TMEM132D: variants seen among roughly 807,000 people sequenced by gnomAD.
TMEM132D encodes the protein mature OL transmembrane protein.
Under a neutral mutation model 62.3 loss-of-function variants are expected in TMEM132D, and 21 were observed. The ratio of observed to expected loss-of-function variants is 0.34; its 90% CI spans 0.24 to 0.49. The LOEUF (loss-of-function observed/expected upper bound fraction) is 0.49, where lower values mean the gene tolerates loss of function less well. Among genes scored for constraint, TMEM132D ranks in the 20% least tolerant of loss-of-function variants. The pLI is 0.99. For synonymous variants in TMEM132D, 621 were observed against 575.6 expected, an observed-to-expected ratio of 1.08 and a Z score of -1.13; for missense variants, 1,346 against 1,402.8, an observed-to-expected ratio of 0.96 and a Z score of 0.65.
intron 3 of TMEM132D, among the ~76,000 whole-genome samples, chr12:129,515,700 G>A (rs1462568469): frequency 6.6e-6 from 1 of 152,018 alleles, no homozygotes; most frequent in East Asian, 1.9e-4. Flanking sequence ...TGAAGGCCAG[G>A]GGGAATCTAA....
At chr12:129,704,982 A>C (rs1473405509) in intron 1 of TMEM132D, among the ~76,000 whole-genome samples, 1 of 152,252 alleles carries the variant, frequency 6.6e-6, no homozygotes, top group Non-Finnish European at 1.5e-5. Context: ...CTGAAGTATT[A>C]AAAGTAAGGA....
chr12:129,657,296 G>A (rs1565939058), intron 2 of TMEM132D, among the ~76,000 whole-genome samples: 1 of 152,206 alleles, frequency 6.6e-6, no homozygotes, highest in East Asian at 1.9e-4. Context: ...TGGCTGAACA[G>A]AGGTAGCTGG....
intron 1 of TMEM132D, among the ~76,000 whole-genome samples, chr12:129,778,180 A>G (rs1224674917): frequency 1.7e-5 from 1 of 58,100 alleles, no homozygotes; most frequent in African/African-American, 3.9e-5. Flanking sequence ...TAAGAAAAGA[A>G]GGAATCAGAA....
chr12:129,732,510 A>G (rs1869282861), intron 1 of TMEM132D, among the ~76,000 whole-genome samples: 1 of 152,118 alleles, frequency 6.6e-6, no homozygotes, highest in East Asian at 1.9e-4. Flanking sequence ...ACAAGAGTAA[A>G]GTTAAATGGC....
intron 2 of TMEM132D, among the ~76,000 whole-genome samples, chr12:129,614,773 C>T (rs1593089610): frequency 6.6e-6 from 1 of 152,130 alleles, no homozygotes; most frequent in Non-Finnish European, 1.5e-5. Flanking sequence ...CCATGCACAC[C>T]GGGGAATTCC....
intron 1 of TMEM132D, among the ~76,000 whole-genome samples, chr12:129,772,237 T>C (rs1166794698): frequency 6.6e-6 from 1 of 152,236 alleles, no homozygotes; most frequent in Non-Finnish European, 1.5e-5. Flanking sequence ...AGTACTTTCA[T>C]ACACCTATAA....
intron 2 of TMEM132D, among the ~76,000 whole-genome samples, chr12:129,693,575 G>A (rs1198531479): frequency 6.6e-6 from 1 of 152,124 alleles, no homozygotes; most frequent in Non-Finnish European, 1.5e-5. Context: ...CGCGGTGCTG[G>A]TGAGGTGGGA....
chr12:129,533,736 T>A (rs1876295559), intron 2 of TMEM132D, among the ~76,000 whole-genome samples: 1 of 152,206 alleles, frequency 6.6e-6, no homozygotes, highest in Non-Finnish European at 1.5e-5. Flanking sequence ...GAAGCTATAG[T>A]CGGTAGCATT....
intron 2 of TMEM132D, among the ~76,000 whole-genome samples, chr12:129,549,112 G>A (rs1471888502): frequency 6.6e-6 from 1 of 151,870 alleles, no homozygotes; most frequent in Non-Finnish European, 1.5e-5. Context: ...ATTTCCCTGT[G>A]TTGTGGGAGG....
At chr12:129,868,181 C>T (rs1054188692) in intron 1 of TMEM132D, among the ~76,000 whole-genome samples, 37 of 146,702 alleles carry the variant, frequency 2.5e-4, no homozygotes, top group African/African-American at 9.4e-4. Flanking sequence ...GGTACACACA[C>T]GAGACAGCAT....
intron 2 of TMEM132D, among the ~76,000 whole-genome samples, chr12:129,686,488 C>T (rs1156829354): frequency 1.3e-5 from 2 of 152,144 alleles, no homozygotes; most frequent in South Asian, 2.1e-4. Context: ...CCCAGTCCTG[C>T]AGAACTGTGA....
chr12:129,211,634 C>T (rs77447121), intron 4 of TMEM132D, among the ~76,000 whole-genome samples: 125 of 152,256 alleles, frequency 8.2e-4, no homozygotes, highest in African/African-American at 2.9e-3. Flanking sequence ...TGGGGTTAGG[C>T]TTTGGATGTA....
intron 1 of TMEM132D, among the ~76,000 whole-genome samples, chr12:129,724,534 T>C (rs1868958315): frequency 6.6e-6 from 1 of 152,222 alleles, no homozygotes; most frequent in African/African-American, 2.4e-5. Flanking sequence ...TTTTTGTTTT[T>C]GTTTTGAGAT....
At chr12:129,765,798 C>A (rs1466119424) in intron 1 of TMEM132D, among the ~76,000 whole-genome samples, 1 of 152,148 alleles carries the variant, frequency 6.6e-6, no homozygotes, top group East Asian at 1.9e-4. Context: ...AAACTTTAAA[C>A]CATGTTCATT....
intron 2 of TMEM132D, among the ~76,000 whole-genome samples, chr12:129,628,410 T>G (rs998738278): frequency 8.5e-5 from 13 of 152,194 alleles, no homozygotes; most frequent in Admixed American, 3.9e-4. Flanking sequence ...CCAGGACACC[T>G]GGGATGTCTC....
At chr12:129,177,945 C>G (rs1419214583) in intron 5 of TMEM132D, among the ~76,000 whole-genome samples, 1 of 152,096 alleles carries the variant, frequency 6.6e-6, no homozygotes, top group African/African-American at 2.4e-5. Flanking sequence ...CTGGTAGGCC[C>G]CAGTGTGTGT....
intron 7 of TMEM132D, among the ~76,000 whole-genome samples, chr12:129,080,179 C>T (rs1248485036): frequency 6.6e-6 from 1 of 152,130 alleles, no homozygotes; most frequent in African/African-American, 2.4e-5. Context: ...AATTAATGAC[C>T]ATCATTTAGA....
intron 2 of TMEM132D, among the ~76,000 whole-genome samples, chr12:129,539,253 A>G (rs1186107509): frequency 6.7e-6 from 1 of 148,272 alleles, no homozygotes; most frequent in Admixed American, 6.7e-5. Flanking sequence ...TTTTTTTGAG[A>G]CAGACTCTTA....
intron 1 of TMEM132D, among the ~76,000 whole-genome samples, chr12:129,816,396 G>A (rs938155601): frequency 6.6e-6 from 1 of 152,162 alleles, no homozygotes; most frequent in African/African-American, 2.4e-5. Context: ...GAACAGCTGG[G>A]TGACTTCCTC....
Sources: gnomAD v4.1 joint callset for allele counts (sites outside exome capture counted in the v4.1 genomes callset) on GRCh38, gnomAD v4.1.1 for gene constraint, MANE v1.5 for transcripts, NCBI Gene and HGNC (gene_info 2026-07-23, HGNC 2026-07-21) for gene names.